Variants in DPP10 observed in about 807,000 individuals in gnomAD.
The protein encoded by DPP10 is inactive dipeptidyl peptidase 10.
In DPP10, 33 loss-of-function variants were observed where a neutral mutation model predicts 120.9. That is an observed-to-expected ratio of 0.27 (90% CI 0.21 to 0.37). The LOEUF (loss-of-function observed/expected upper bound fraction) is 0.37, where lower values mean the gene tolerates loss of function less well. Among genes scored for constraint, DPP10 ranks in the 10% least tolerant of loss-of-function variants. The probability of loss-of-function intolerance (pLI) is 1.00; values close to 1 mark genes in which losing one functional copy is unlikely to be tolerated. For synonymous variants in DPP10, 337 were observed against 326.1 expected, an observed-to-expected ratio of 1.03 and a Z score of -0.36; for missense variants, 816 against 942.8, an observed-to-expected ratio of 0.87 and a Z score of 1.76.
chr2:115,527,535 G>C (rs2078205876), intron 5 of DPP10, among the ~76,000 whole-genome samples: 1 of 152,088 alleles, frequency 6.6e-6, no homozygotes. Context: ...ATTGTTCCAT[G>C]ATAGACCCTG....
At chr2:115,591,148 C>T (rs763746821) in intron 5 of DPP10, among the ~76,000 whole-genome samples, 8 of 152,154 alleles carry the variant, frequency 5.3e-5, no homozygotes, top group Non-Finnish European at 1.0e-4. Context: ...TGTGCAAAAG[C>T]TCTTTAGTTT....
At chr2:115,360,917 G>A (rs148901391) in intron 3 of DPP10, among the ~76,000 whole-genome samples, 1 of 152,264 alleles carries the variant, frequency 6.6e-6, no homozygotes, top group Non-Finnish European at 1.5e-5. Context: ...GGTACCCAGG[G>A]CCTAGAGTTT....
chr2:114,870,056 A>G (rs1193227303), intron 1 of DPP10, among the ~76,000 whole-genome samples: 1 of 152,184 alleles, frequency 6.6e-6, no homozygotes, highest in Non-Finnish European at 1.5e-5. Flanking sequence ...AATTAATCTT[A>G]TCTCTATTTG....
At chr2:114,914,067 G>A (rs180766133) in intron 1 of DPP10, among the ~76,000 whole-genome samples, 5 of 152,258 alleles carry the variant, frequency 3.3e-5, no homozygotes, top group African/African-American at 1.2e-4. Context: ...TGGGAAATAT[G>A]GGATTATGTA....
intron 1 of DPP10, among the ~76,000 whole-genome samples, chr2:115,300,567 A>G (rs2061081081): frequency 6.6e-6 from 1 of 152,072 alleles, no homozygotes; most frequent in Admixed American, 6.6e-5. Context: ...ATCTGTTTGC[A>G]TCACTGCTTT....
At chr2:115,386,404 G>A (rs1012487712) in intron 3 of DPP10, among the ~76,000 whole-genome samples, 2 of 152,078 alleles carry the variant, frequency 1.3e-5, no homozygotes, top group Non-Finnish European at 2.9e-5. Flanking sequence ...TCAGTGATGC[G>A]AGCACTCAGT....
chr2:115,139,724 TAAAAA>T (rs55826687), intron 1 of DPP10, among the ~76,000 whole-genome samples: 2 of 56,620 alleles, frequency 3.5e-5, no homozygotes, highest in Non-Finnish European at 6.1e-5. Flanking sequence ...GTAAAAATAC[TAAAAA>T]AAAAAAAAAA....
At chr2:115,564,145 C>T (rs2080852896) in intron 5 of DPP10, among the ~76,000 whole-genome samples, 1 of 150,710 alleles carries the variant, frequency 6.6e-6, no homozygotes, top group African/African-American at 2.4e-5. Context: ...TTCAAATAAA[C>T]ATATTCCAAT....
intron 5 of DPP10, among the ~76,000 whole-genome samples, chr2:115,629,964 G>A (rs2085704245): frequency 6.6e-6 from 1 of 152,006 alleles, no homozygotes; most frequent in Admixed American, 6.6e-5. Flanking sequence ...TAATGGGAGG[G>A]AATAACATCG....
chr2:114,929,527 A>C (rs1695908939), intron 1 of DPP10, among the ~76,000 whole-genome samples: 1 of 152,172 alleles, frequency 6.6e-6, no homozygotes, highest in South Asian at 2.1e-4. Flanking sequence ...GAATTCAGAG[A>C]TATTTCTCCT....
At chr2:115,429,665 C>T (rs139788282) in intron 3 of DPP10, among the ~76,000 whole-genome samples, 2 of 152,258 alleles carry the variant, frequency 1.3e-5, no homozygotes, top group East Asian at 3.9e-4. Context: ...TGTCCCTTCC[C>T]CAGCATGTAA....
chr2:114,977,696 CAA>C (rs1007985336), intron 1 of DPP10, among the ~76,000 whole-genome samples: 5 of 152,120 alleles, frequency 3.3e-5, no homozygotes, highest in African/African-American at 1.2e-4. Context: ...CCTCCAATCT[CAA>C]GAGCTATTTT....
At chr2:115,014,862 CAAAA>C (rs144688918) in intron 1 of DPP10, among the ~76,000 whole-genome samples, 2 of 118,622 alleles carry the variant, frequency 1.7e-5, no homozygotes, top group African/African-American at 3.2e-5. Flanking sequence ...GCCTACCAAC[CAAAA>C]AAAAAAAAAA....
At chr2:114,812,151 A>G (rs1015756111) in intron 1 of DPP10, among the ~76,000 whole-genome samples, 6 of 152,216 alleles carry the variant, frequency 3.9e-5, no homozygotes, top group African/African-American at 1.4e-4. Flanking sequence ...TTTTATAGAG[A>G]AACATGTAAA....
intron 1 of DPP10, among the ~76,000 whole-genome samples, chr2:115,087,501 A>G (rs1708807402): frequency 7.4e-6 from 1 of 135,570 alleles, no homozygotes; most frequent in Non-Finnish European, 1.6e-5. Context: ...ACCTGAGACT[A>G]TGTCTTTCTT....
At chr2:114,706,100 G>C (rs1395938820) in intron 1 of DPP10, among the ~76,000 whole-genome samples, 1 of 152,176 alleles carries the variant, frequency 6.6e-6, no homozygotes, top group East Asian at 1.9e-4. Context: ...GCATATTTGA[G>C]GAGTAACTTA....
intron 1 of DPP10, among the ~76,000 whole-genome samples, chr2:114,662,361 C>T (rs1041363339): frequency 3.9e-4 from 60 of 152,196 alleles, no homozygotes; most frequent in African/African-American, 1.4e-3. Context: ...CGGGGAGCTC[C>T]GGAGCTGCAG....
chr2:114,608,624 C>T (rs1406303807), intron 1 of DPP10, among the ~76,000 whole-genome samples: 1 of 151,754 alleles, frequency 6.6e-6, no homozygotes, highest in Non-Finnish European at 1.5e-5. Context: ...CAGCACCATT[C>T]ATAATGGCAA....
chr2:114,898,983 T>C (rs2106634370), intron 1 of DPP10, among the ~76,000 whole-genome samples: 1 of 152,224 alleles, frequency 6.6e-6, no homozygotes, highest in Non-Finnish European at 1.5e-5. Flanking sequence ...ACAGTTTTAG[T>C]AGTTGGGAAT....
Sources: gnomAD v4.1 joint callset for allele counts (sites outside exome capture counted in the v4.1 genomes callset) on GRCh38, gnomAD v4.1.1 for gene constraint, MANE v1.5 for transcripts, NCBI Gene and HGNC (gene_info 2026-07-23, HGNC 2026-07-21) for gene names.